TDRP: variants seen among roughly 807,000 people sequenced by gnomAD.
TDRP encodes testis development-related protein.
Under a neutral mutation model 10.5 loss-of-function variants are expected in TDRP, and 12 were observed. The ratio of observed to expected loss-of-function variants is 1.15; its 90% CI spans 0.73 to 1.86. TDRP has a LOEUF of 1.86. Among genes scored for constraint, TDRP ranks in the 40% most tolerant of loss-of-function variants. The pLI, the probability that TDRP is intolerant of heterozygous loss-of-function variation, is 0.00. For synonymous variants in TDRP, 139 were observed against 95.4 expected, an observed-to-expected ratio of 1.46 and a Z score of -2.67; for missense variants, 353 against 229.2, an observed-to-expected ratio of 1.54 and a Z score of -3.49.
chr8:503,078 A>G (rs1405435459), intron 1 of TDRP, among the ~76,000 whole-genome samples: 1 of 151,686 alleles, frequency 6.6e-6, no homozygotes, highest in Non-Finnish European at 1.5e-5. Flanking sequence ...TGCCCACCTC[A>G]GCATGTGTCA....
chr8:537,129 C>G (rs1310823877), intron 1 of TDRP, among the ~76,000 whole-genome samples: 2 of 152,230 alleles, frequency 1.3e-5, no homozygotes, highest in African/African-American at 4.8e-5. Context: ...GTGGAAACCC[C>G]ACACCAGGTA....
At chr8:544,187 G>A (rs1802574156) in intron 1 of TDRP, among the ~76,000 whole-genome samples, 1 of 152,114 alleles carries the variant, frequency 6.6e-6, no homozygotes, top group East Asian at 1.9e-4. Context: ...TGTCCGCGAG[G>A]AGGCCGTCCG....
chr8:497,696 A>G, intron 1 of TDRP, among the ~76,000 whole-genome samples: 1 of 152,192 alleles, frequency 6.6e-6, no homozygotes, highest in East Asian at 1.9e-4. Flanking sequence ...GACAATGGGG[A>G]AAATGTCTCC....
intron 1 of TDRP, among the ~76,000 whole-genome samples, chr8:522,820 T>C (rs571805529): frequency 1.3e-5 from 2 of 152,302 alleles, no homozygotes; most frequent in Non-Finnish European, 2.9e-5. Context: ...TTTTATCCGA[T>C]ATAAGTAGGC....
chr8:522,625 C>T (rs1015305082), intron 1 of TDRP, among the ~76,000 whole-genome samples: 10 of 152,172 alleles, frequency 6.6e-5, no homozygotes, highest in Non-Finnish European at 5.9e-5. Flanking sequence ...GATCTCCCTC[C>T]GCCCCATGAA....
At chr8:514,625 C>G (rs1027896814) in intron 1 of TDRP, among the ~76,000 whole-genome samples, 1 of 152,208 alleles carries the variant, frequency 6.6e-6, no homozygotes, top group Non-Finnish European at 1.5e-5. Context: ...CAAAACCACC[C>G]TGTGACTGCC....
chr8:500,837 C>G (rs2116735242), intron 1 of TDRP, among the ~76,000 whole-genome samples: 1 of 152,320 alleles, frequency 6.6e-6, no homozygotes, highest in East Asian at 1.9e-4. Flanking sequence ...TAAGACCAAC[C>G]CAGTAATGTG....
rs1456518949 is a variant in TDRP, at chr8:490,358, A to G, written c.*2041T>C. 1 of 152,238 alleles carries G rather than the reference A, an allele frequency of 6.6e-6. No individual in the cohort carries two copies. The highest frequency in any genetic ancestry group is 1.5e-5 in the Non-Finnish European group (1 of 68,048). The allele number at this position is 152,238 out of a possible 1,614,324, so 9.4% of individuals were successfully genotyped here. Reference sequence around the variant, plus strand: ...GGTTTGTCCTCAAATTTTGAGAAATAGCATAAAGAACTATTTTGCCAACTG... The same window carrying G: ...GGTTTGTCCTCAAATTTTGAGAAATGGCATAAAGAACTATTTTGCCAACTG... On this transcript the variant is annotated 3_prime_UTR_variant, in exon 3 of 3. Transcript: ENST00000324079.
chr8:520,814 A>T (rs1364392475), intron 1 of TDRP, among the ~76,000 whole-genome samples: 1 of 152,108 alleles, frequency 6.6e-6, no homozygotes, highest in Non-Finnish European at 1.5e-5. Context: ...TGGTCATAGG[A>T]GTTCTTTAAA....
chr8:533,796 G>C (rs1802272741), intron 1 of TDRP, among the ~76,000 whole-genome samples: 1 of 152,084 alleles, frequency 6.6e-6, no homozygotes, highest in Non-Finnish European at 1.5e-5. Flanking sequence ...ATAAAGTATA[G>C]GGTAGGCAGA....
chr8:544,885 G>T, upstream of TDRP: 1 of 606,624 alleles, frequency 1.6e-6, no homozygotes, highest in Admixed American at 4.6e-5. Context: ...GGGGCTAGGC[G>T]GGGGCGGGGC....
Position 492,225 on chromosome 8 carries a change from C to T in TDRP, c.*174G>A. The T allele has an allele frequency of 7.8e-7, 1 of 1,286,104 alleles. No homozygotes were observed. The highest frequency in any genetic ancestry group is 1.5e-5 in the African/African-American group (1 of 65,810). 79.7% of individuals were successfully genotyped at this position (1,286,104 alleles called of 1,614,324 possible). A position where few individuals can be genotyped will look rare whatever the true frequency, so the allele number is the denominator to read the frequency against. On this transcript the variant is annotated 3_prime_UTR_variant, in exon 3 of 3. Transcript: ENST00000324079. ...AATGTACAATCCCTGCACGTGTTCA[C>T]CAAGGAGTCACAGTGTGTGTGAGAG...
intron 1 of TDRP, among the ~76,000 whole-genome samples, chr8:521,765 C>T (rs142455826): frequency 6.6e-6 from 1 of 151,462 alleles, no homozygotes; most frequent in African/African-American, 2.4e-5. Context: ...TTCTTTTCTA[C>T]TTCAGCAAAA....
At chr8:542,031 G>A (rs1802508356) in intron 1 of TDRP, among the ~76,000 whole-genome samples, 1 of 152,120 alleles carries the variant, frequency 6.6e-6, no homozygotes, top group Non-Finnish European at 1.5e-5. Context: ...CCTCCAGAGG[G>A]TGAAGGGATA....
Position 544,673 on chromosome 8 carries a change from C to A in TDRP, c.85G>T (p.Ala29Ser). Residue 29 changes from alanine to serine, a missense_variant, in exon 1 of 3, where the codon GCC (alanine) becomes TCC (serine). Ala to Ser is a moderately conservative substitution (Grantham distance 99). Coordinates refer to ENST00000324079, the MANE Select transcript of TDRP (RefSeq NM_001384899.1). The stretch of plus-strand genomic sequence containing the variant: ...ACCTGCGCCTGGGCGGCGGCGGCGG[C>A]GGCCGGTGGCGGCCCCCCACGCAGG... ...DGLRGGPPPA[A>S]AAAAQAQVQG... 1.6e-6 allele frequency: 2 copies of A among 1,221,304 alleles called. No individual in the cohort carries two copies. Among genetic ancestry groups the A allele is most frequent in the Non-Finnish European group, 1.0e-6 (1 of 975,528 alleles). The allele number at this position is 1,221,304 out of a possible 1,614,324, so 75.7% of individuals were successfully genotyped here.
chr8:540,806 TAAAA>T (rs60390652), intron 1 of TDRP, among the ~76,000 whole-genome samples: 17,556 of 124,954 alleles, frequency 0.14, 1,168 homozygotes, highest in East Asian at 0.25. Flanking sequence ...CTTTTTCACG[TAAAA>T]AAAAAAAAAA....
intron 1 of TDRP, among the ~76,000 whole-genome samples, chr8:542,682 T>C (rs1209871840): frequency 1.3e-5 from 2 of 151,772 alleles, no homozygotes; most frequent in African/African-American, 4.8e-5. Flanking sequence ...CTGACCAACA[T>C]GGACAACTCT....
chr8:538,928 G>C (rs907441798), intron 1 of TDRP, among the ~76,000 whole-genome samples: 52 of 152,322 alleles, frequency 3.4e-4, no homozygotes, highest in African/African-American at 1.1e-3. Context: ...GCCTCTTTCA[G>C]AGGGCAATTT....
At chr8:505,607 G>A (rs1801439056) in intron 1 of TDRP, among the ~76,000 whole-genome samples, 1 of 152,154 alleles carries the variant, frequency 6.6e-6, no homozygotes, top group African/African-American at 2.4e-5. Context: ...TCCCATGAAG[G>A]CCATGAAGAT....
Sources: allele counts gnomAD v4.1 joint callset (sites outside exome capture counted in the v4.1 genomes callset), GRCh38; gene constraint gnomAD v4.1.1; transcripts MANE v1.5; gene names NCBI Gene and HGNC (gene_info 2026-07-23, HGNC 2026-07-21).